The following PARVA variants were observed in gnomAD, a reference collection of about 807,000 sequenced individuals.
The protein encoded by PARVA is parvin alpha.
PARVA carries 25 observed loss-of-function variants against 52.6 expected under a neutral mutation model. The observed-to-expected ratio is 0.48, with a 90% CI of 0.35 to 0.66. The LOEUF (loss-of-function observed/expected upper bound fraction) is 0.66. PARVA is among the 30% of genes least tolerant of loss of function. The pLI is 0.01. For synonymous variants in PARVA, 185 were observed against 179.1 expected (o/e 1.03, Z -0.26); for missense variants, 373 against 450.9 (o/e 0.83, Z 1.56).
At chr11:12,402,559 A>G (rs866092039) in intron 1 of PARVA, among the ~76,000 whole-genome samples, 7 of 152,344 alleles carry the variant, frequency 4.6e-5, no homozygotes, top group Admixed American at 6.5e-5. Flanking sequence ...ACTTAACCAC[A>G]TGGTGCCTAA....
intron 1 of PARVA, among the ~76,000 whole-genome samples, chr11:12,449,458 G>A (rs1225981135): frequency 2.6e-5 from 4 of 152,084 alleles, no homozygotes; most frequent in Non-Finnish European, 5.9e-5. Flanking sequence ...AGCACCTGGC[G>A]GGACATACAT....
chr11:12,442,467 T>C (rs1589958637), intron 1 of PARVA, among the ~76,000 whole-genome samples: 1 of 151,882 alleles, frequency 6.6e-6, no homozygotes, highest in East Asian at 1.9e-4. Flanking sequence ...CCAAGACAGG[T>C]ATTGAGAGTG....
chr11:12,513,613 T>C (rs1941530939), intron 9 of PARVA: 1 of 644,584 alleles, frequency 1.6e-6, no homozygotes, highest in South Asian at 1.7e-5. Flanking sequence ...ATCTCAGCCT[T>C]CCCCACTCCT....
chr11:12,481,850 CAGG>C (rs1403254630), intron 4 of PARVA, among the ~76,000 whole-genome samples: 1 of 152,032 alleles, frequency 6.6e-6, no homozygotes, highest in Non-Finnish European at 1.5e-5. Context: ...TCTCGTAGCC[CAGG>C]AGCATACACA....
Position 12,496,448 on chromosome 11 carries a change from T to A in PARVA, c.401-10T>A, listed in dbSNP as rs370857396. 3.7e-6 allele frequency: 6 copies of A among 1,604,438 alleles called. No homozygotes were observed. The highest frequency in any genetic ancestry group is 5.1e-6 in the Non-Finnish European group (6 of 1,175,532). Reference sequence around the variant, plus strand: ...ATAACAGCTGTTCTCTTTTCCCTTGTCACCCTCAGAGAAACTGGAGAGTGA... The same window carrying A: ...ATAACAGCTGTTCTCTTTTCCCTTGACACCCTCAGAGAAACTGGAGAGTGA... On this transcript the variant is annotated splice_polypyrimidine_tract_variant and intron_variant, in intron 4 of 12. Coordinates refer to ENST00000334956, the MANE Select transcript of PARVA (RefSeq NM_018222.5).
intron 4 of PARVA, among the ~76,000 whole-genome samples, chr11:12,489,173 AAAG>A (rs1941200458): frequency 6.6e-6 from 1 of 151,576 alleles, no homozygotes; most frequent in Non-Finnish European, 1.5e-5. Context: ...TAAAAAAAAA[AAAG>A]AAAAAGAAAA....
intron 1 of PARVA, among the ~76,000 whole-genome samples, chr11:12,463,150 T>A (rs550087127): frequency 6.6e-6 from 1 of 152,306 alleles, no homozygotes; most frequent in South Asian, 2.1e-4. Context: ...TAAATTAGTA[T>A]GGTACAATTC....
chr11:12,527,900 T>A lies in PARVA; in HGVS notation c.1094T>A (p.Phe365Tyr). 6.2e-7 allele frequency: 1 copy of A among 1,613,088 alleles called. No homozygotes were observed. The change falls in exon 13 of 13, where the codon TTC (phenylalanine) becomes TAC (tyrosine). Residue 365 changes from phenylalanine (F) to tyrosine (Y), a missense_variant. Phe to Tyr is a conservative substitution (Grantham distance 22). Coordinates refer to ENST00000334956, the MANE Select transcript of PARVA (RefSeq NM_018222.5). ...KSTLRVLYNL[F>Y]TKYRNVE ...ACACTACGAGTGTTGTACAACCTCT[T>A]CACCAAGTACCGTAACGTGGAGTGA...
At chr11:12,386,068 C>G (rs146374806) in intron 1 of PARVA, among the ~76,000 whole-genome samples, 1 of 152,328 alleles carries the variant, frequency 6.6e-6, no homozygotes, top group East Asian at 1.9e-4. Context: ...ACCTGAAATA[C>G]TGTGTTATCC....
At chr11:12,387,554 C>CATGT (rs1555029147) in intron 1 of PARVA, among the ~76,000 whole-genome samples, 67 of 149,226 alleles carry the variant, frequency 4.5e-4, no homozygotes, top group African/African-American at 1.4e-3. Context: ...TATTTTTGAG[C>CATGT]GTGTGTGTGT....
At chr11:12,466,310 TG>T (rs1302853884) in intron 1 of PARVA, among the ~76,000 whole-genome samples, 8 of 121,182 alleles carry the variant, frequency 6.6e-5, no homozygotes, top group African/African-American at 2.2e-4. Flanking sequence ...TTTATTTAGT[TG>T]TTTTTTTTTT....
intron 1 of PARVA, among the ~76,000 whole-genome samples, chr11:12,422,895 G>A (rs1026849004): frequency 2.6e-5 from 4 of 151,926 alleles, no homozygotes; most frequent in Non-Finnish European, 5.9e-5. Context: ...TTGCTCTGTT[G>A]CCCAGGCTGG....
intron 1 of PARVA, among the ~76,000 whole-genome samples, chr11:12,404,349 C>T (rs1303511831): frequency 6.6e-6 from 1 of 152,010 alleles, no homozygotes; most frequent in Non-Finnish European, 1.5e-5. Context: ...GCTGATAGAG[C>T]AAGGTCCAGT....
intron 9 of PARVA, 108 bp from the exon 10 acceptor site, chr11:12,513,872 CTCTTGGCTGGGCCTGAT>C: frequency 1.2e-6 from 1 of 826,106 alleles, no homozygotes; most frequent in South Asian, 1.6e-5. Flanking sequence ...GGGCCCAGGG[CTCTTGGCTGGGCCTGAT>C]CCTCTGCTTT....
At chr11:12,440,340 T>G (rs1250394906) in intron 1 of PARVA, among the ~76,000 whole-genome samples, 1 of 152,088 alleles carries the variant, frequency 6.6e-6, no homozygotes, top group African/African-American at 2.4e-5. Context: ...AAAGAGAAGC[T>G]AAGGGGGAGA....
chr11:12,495,935 T>C (rs10765955), intron 4 of PARVA, among the ~76,000 whole-genome samples: 30,291 of 152,128 alleles, frequency 0.2, 3,862 homozygotes, highest in East Asian at 0.39. Context: ...ACTTTAAGGA[T>C]GTTAAAATGT....
chr11:12,477,827 C>G lies in PARVA; in HGVS notation c.298-20C>G. On this transcript the variant is annotated intron_variant, in intron 3 of 12. Transcript: ENST00000334956. ...AACTCTTTTCTTACTATTGCACATTCCCTTTCTCTCTCTCTGTAGGTATTA... is the reference window on the plus strand; with the variant it reads ...AACTCTTTTCTTACTATTGCACATTGCCTTTCTCTCTCTCTGTAGGTATTA... 1 of 1,290,230 alleles carries G rather than the reference C, an allele frequency of 7.8e-7. No homozygotes were observed. Among genetic ancestry groups the G allele is most frequent in the South Asian group, 1.2e-5 (1 of 84,612 alleles). The allele number at this position is 1,290,230 out of a possible 1,614,324, so 79.9% of individuals were successfully genotyped here.
intron 1 of PARVA, among the ~76,000 whole-genome samples, chr11:12,419,398 A>G (rs917530481): frequency 7.3e-5 from 11 of 151,518 alleles, no homozygotes; most frequent in African/African-American, 2.7e-4. Flanking sequence ...GACTTACTTC[A>G]CTCAGTATAA....
chr11:12,522,803 CAG>C (rs1941655274), intron 12 of PARVA, among the ~76,000 whole-genome samples: 1 of 138,038 alleles, frequency 7.2e-6, no homozygotes, highest in Non-Finnish European at 1.5e-5. Context: ...AAAAAAAAAA[CAG>C]ACAGCTCATG....
Sources: allele counts gnomAD v4.1 joint callset (sites outside exome capture counted in the v4.1 genomes callset), GRCh38; gene constraint gnomAD v4.1.1; transcripts MANE v1.5; gene names NCBI Gene and HGNC (gene_info 2026-07-23, HGNC 2026-07-21).